WIPF1: variants seen among roughly 807,000 people sequenced by gnomAD.
WIPF1 encodes the protein WAS/WASL-interacting protein family member 1.
In WIPF1, 13 loss-of-function variants were observed where a neutral mutation model predicts 35.4. That is an observed-to-expected ratio of 0.37 (90% confidence interval 0.24 to 0.58). The LOEUF (loss-of-function observed/expected upper bound fraction) is 0.58. Ranked by LOEUF, WIPF1 falls within the 20% of genes least tolerant of loss-of-function variation. The probability of loss-of-function intolerance (pLI) is 0.74; values close to 1 mark genes in which losing one functional copy is unlikely to be tolerated. For synonymous variants in WIPF1, 267 were observed against 266.3 expected, an observed-to-expected ratio of 1.00 and a Z score of -0.02; for missense variants, 591 against 667.0, an observed-to-expected ratio of 0.89 and a Z score of 1.25.
intron 1 of WIPF1, among the ~76,000 whole-genome samples, chr2:174,681,032 C>T (rs533594690): frequency 3.3e-5 from 5 of 152,286 alleles, no homozygotes; most frequent in South Asian, 2.1e-4. Flanking sequence ...AGGCATGAAT[C>T]CCCCCAGGAG....
At chr2:174,602,790 G>A (rs1191093755), upstream of WIPF1, among the ~76,000 whole-genome samples, 1 of 152,136 alleles carries the variant, frequency 6.6e-6, no homozygotes, top group East Asian at 1.9e-4. Flanking sequence ...ATCTTACTTG[G>A]GGAAAAGTCT....
At chr2:174,603,847 A>G (rs1232501382) in intron 1 of WIPF1, among the ~76,000 whole-genome samples, 3 of 152,196 alleles carry the variant, frequency 2.0e-5, no homozygotes, top group Non-Finnish European at 2.9e-5. Context: ...CACAATTCCA[A>G]ACACCAGAAT....
intron 3 of WIPF1, chr2:174,581,060 GAAT>G (rs1284916219): frequency 3.3e-6 from 1 of 302,610 alleles, no homozygotes; most frequent in Non-Finnish European, 6.1e-6. Context: ...AAAGTGTTGT[GAAT>G]AATGCAGAGA....
At chr2:174,639,627 G>A (rs1267786107) in intron 1 of WIPF1, among the ~76,000 whole-genome samples, 2 of 152,064 alleles carry the variant, frequency 1.3e-5, no homozygotes, top group African/African-American at 4.8e-5. Context: ...CTTGTCAGAT[G>A]TATGGTTTGC....
At position 174,575,235 on chromosome 2, in the gene WIPF1, C is replaced by T. The variant is rs748281934; in HGVS notation, c.327G>A (p.Pro109=). The change falls in exon 4 of 8, where the codon CCG becomes CCA. Residue 109 remains proline (P), a synonymous_variant. Transcript: ENST00000679041. ...GLGGLFQAGM[P]KLRSTANRDN... ...CCCTGTTGGCCGTGGATCTCAGCTT[C>T]GGCATTCCAGCCTGGAACAATCCTC... is the stretch of plus-strand genomic sequence containing the variant. 6.2e-6 allele frequency: 10 copies of T among 1,612,884 alleles called. No individual in the cohort carries two copies. The highest frequency in any genetic ancestry group is 5.0e-5 in the Admixed American group (3 of 59,884).
chr2:174,598,321 C>CT (rs201184398), upstream of WIPF1: 5 of 150,722 alleles, frequency 3.3e-5, no homozygotes, highest in South Asian at 2.1e-4. Context: ...TTATTTATTT[C>CT]TTTTTTTTTA....
intron 1 of WIPF1, among the ~76,000 whole-genome samples, chr2:174,637,278 A>C (rs1018188581): frequency 1.3e-5 from 2 of 151,782 alleles, no homozygotes; most frequent in Non-Finnish European, 2.9e-5. Flanking sequence ...ACTTTCCAGC[A>C]CTACAAGATG....
chr2:174,677,549 G>T (rs933976496), intron 1 of WIPF1, among the ~76,000 whole-genome samples: 5 of 152,194 alleles, frequency 3.3e-5, no homozygotes, highest in Non-Finnish European at 7.3e-5. Context: ...ATGGAGAAGA[G>T]AACATTTTGG....
intron 1 of WIPF1, among the ~76,000 whole-genome samples, chr2:174,653,949 G>C (rs1372682867): frequency 6.6e-6 from 1 of 152,022 alleles, no homozygotes; most frequent in African/African-American, 2.4e-5. Context: ...GACTGTGTGA[G>C]GCAGGCATTT....
intron 2 of WIPF1, 71 bp downstream of exon 2, chr2:174,585,452 C>T (rs1685381156): frequency 1.4e-6 from 2 of 1,451,364 alleles, no homozygotes; most frequent in Non-Finnish European, 1.9e-6. Flanking sequence ...AATACAAACA[C>T]ATGCACGCCA....
upstream of WIPF1, among the ~76,000 whole-genome samples, chr2:174,599,809 CTCTAGCTA>C (rs1408386340): frequency 1.3e-5 from 2 of 149,512 alleles, no homozygotes; most frequent in Non-Finnish European, 2.9e-5. Context: ...CTCTCTCTCT[CTCTAGCTA>C]TCTCTCTCTC....
chr2:174,588,964 A>G (rs533538349), intron 1 of WIPF1, among the ~76,000 whole-genome samples: 41 of 152,166 alleles, frequency 2.7e-4, no homozygotes, highest in Non-Finnish European at 4.7e-4. Flanking sequence ...TTCCAATCTC[A>G]ATGGTAACAC....
chr2:174,614,984 G>A (rs2105905319), intron 1 of WIPF1, among the ~76,000 whole-genome samples: 1 of 152,314 alleles, frequency 6.6e-6, no homozygotes, highest in East Asian at 1.9e-4. Context: ...TACAGCATAA[G>A]TAACATGGAG....
At chr2:174,586,024 C>A (rs972760020) in intron 1 of WIPF1, among the ~76,000 whole-genome samples, 2 of 152,216 alleles carry the variant, frequency 1.3e-5, no homozygotes, top group South Asian at 2.1e-4. Context: ...TCTCCCACCC[C>A]CTCTGGCTTT....
At chr2:174,585,875 T>G (rs1196539120) in intron 1 of WIPF1, among the ~76,000 whole-genome samples, 1 of 152,200 alleles carries the variant, frequency 6.6e-6, no homozygotes, top group African/African-American at 2.4e-5. Flanking sequence ...CAGTAGGCCA[T>G]GACCGACCCA....
At chr2:174,679,336 C>T (rs1688203866) in intron 1 of WIPF1, among the ~76,000 whole-genome samples, 1 of 152,050 alleles carries the variant, frequency 6.6e-6, no homozygotes, top group South Asian at 2.1e-4. Context: ...GGGCGTGGTG[C>T]ACACTCCTGT....
intron 1 of WIPF1, among the ~76,000 whole-genome samples, chr2:174,669,360 T>A (rs1319914262): frequency 1.3e-5 from 2 of 152,234 alleles, no homozygotes; most frequent in Non-Finnish European, 2.9e-5. Flanking sequence ...TGTTTAATTG[T>A]GGTCAATAGT....
Position 174,605,192 on chromosome 2 carries a change from T to C in WIPF1, c.-38-19581A>G, listed in dbSNP as rs1323087210. On this transcript the variant is annotated intron_variant, in intron 1 of 8. Transcript: ENST00000272746. ...GCTCGCGCCTGTAATCCCAGCACTTTGGGAGGCAGAGGCAGGCGGATCACA... is the reference window on the plus strand; with the variant it reads ...GCTCGCGCCTGTAATCCCAGCACTTCGGGAGGCAGAGGCAGGCGGATCACA... 8.5e-5 allele frequency among the ~76,000 whole-genome samples: 13 copies of C among 152,228 alleles called. No individual in the cohort carries two copies. In the East Asian group the frequency reaches 2.5e-3, roughly 29 times the overall value.
intron 1 of WIPF1, chr2:174,630,618 C>A (rs1686990131): frequency 6.6e-6 from 1 of 152,104 alleles, no homozygotes; most frequent in Admixed American, 6.5e-5. Flanking sequence ...ACAGCACCAA[C>A]CTTCTGACTG....
Sources: gnomAD v4.1 joint callset for allele counts (sites outside exome capture counted in the v4.1 genomes callset) on GRCh38, gnomAD v4.1.1 for gene constraint, MANE v1.5 for transcripts, NCBI Gene and HGNC (gene_info 2026-07-23, HGNC 2026-07-21) for gene names.